The following SRPK2 variants were observed in gnomAD, a reference collection of about 807,000 sequenced individuals.
SRPK2 encodes SRSF protein kinase 2.
A neutral mutation model predicts 90.8 loss-of-function variants in SRPK2; 21 were observed. The ratio of observed to expected loss-of-function variants is 0.23; its 90% CI spans 0.16 to 0.33. SRPK2 has a LOEUF of 0.33. SRPK2 is among the 10% of genes least tolerant of loss of function. SRPK2 has a pLI of 1.00. For synonymous variants in SRPK2, 288 were observed against 311.1 expected (o/e 0.93, Z 0.78); for missense variants, 620 against 869.0 (o/e 0.71, Z 3.60).
At chr7:105,133,143 T>A (rs1204964021) in intron 11 of SRPK2, 39 bp from the exon 12 acceptor site, 1 of 1,599,214 alleles carries the variant, frequency 6.3e-7, no homozygotes, top group East Asian at 2.2e-5. Context: ...GTGATCGGGA[T>A]AGGTGGTTTG....
chr7:105,239,766 T>C (rs930515892), intron 2 of SRPK2, among the ~76,000 whole-genome samples: 21 of 152,234 alleles, frequency 1.4e-4, no homozygotes, highest in Admixed American at 1.3e-3. Flanking sequence ...AATACAGTGA[T>C]ACATGGTTGA....
intron 3 of SRPK2, among the ~76,000 whole-genome samples, chr7:105,195,452 A>T (rs1794802912): frequency 6.6e-6 from 1 of 152,212 alleles, no homozygotes; most frequent in African/African-American, 2.4e-5. Context: ...AATATTTTGA[A>T]GTGATGCTTT....
At chr7:105,115,152 A>G (rs1280166608), downstream of SRPK2, 1 of 152,230 alleles carries the variant, frequency 6.6e-6, no homozygotes, top group African/African-American at 2.4e-5. Context: ...TATATACTCT[A>G]AAATACAGTC....
chr7:105,261,349 G>T (rs952397934), intron 2 of SRPK2, among the ~76,000 whole-genome samples: 1 of 151,908 alleles, frequency 6.6e-6, no homozygotes, highest in African/African-American at 2.4e-5. Context: ...GTGAAACCCC[G>T]TCTCTACTAA....
At chr7:105,203,969 CAA>C (rs34581245) in intron 2 of SRPK2, among the ~76,000 whole-genome samples, 184 bp from the exon 3 acceptor site, 319 of 146,158 alleles carry the variant, frequency 2.2e-3, no homozygotes, top group African/African-American at 2.0e-3. Flanking sequence ...TAAGTCAGGC[CAA>C]AAAAAAAAAA....
At chr7:105,340,618 T>A (rs1046944545) in intron 2 of SRPK2, among the ~76,000 whole-genome samples, 8 of 152,012 alleles carry the variant, frequency 5.3e-5, no homozygotes, top group African/African-American at 1.9e-4. Context: ...GGTGGGTTTG[T>A]CTTTTTGTAG....
intron 2 of SRPK2, among the ~76,000 whole-genome samples, chr7:105,363,571 C>T (rs78132606): frequency 0.18 from 27,401 of 152,098 alleles, 3,131 homozygotes; most frequent in East Asian, 0.58. Flanking sequence ...CACTTTTACA[C>T]GGTTGGTGGG....
intron 3 of SRPK2, among the ~76,000 whole-genome samples, chr7:105,203,209 T>G (rs1437470401): frequency 6.6e-6 from 1 of 152,090 alleles, no homozygotes; most frequent in Non-Finnish European, 1.5e-5. Flanking sequence ...AGGCTGGTCT[T>G]GAATTCCTGA....
chr7:105,353,085 C>A (rs1468606094), intron 2 of SRPK2, among the ~76,000 whole-genome samples: 2 of 152,200 alleles, frequency 1.3e-5, no homozygotes, highest in African/African-American at 2.4e-5. Flanking sequence ...GTTCAATTTT[C>A]TCATCAGTAA....
At chr7:105,367,064 T>G (rs892687136) in intron 2 of SRPK2, among the ~76,000 whole-genome samples, 3 of 144,148 alleles carry the variant, frequency 2.1e-5, no homozygotes, top group Admixed American at 7.1e-5. Flanking sequence ...CACCTTTTTT[T>G]TTGTTTTTTT....
chr7:105,280,655 AAGGG>A (rs67124963), intron 2 of SRPK2, among the ~76,000 whole-genome samples: 63,657 of 132,140 alleles, frequency 0.48, 15,359 homozygotes, highest in South Asian at 0.55. Context: ...CATTAAAAAA[AAGGG>A]GGGGGGGGCC....
intron 3 of SRPK2, among the ~76,000 whole-genome samples, chr7:105,176,591 G>A (rs62488067): frequency 0.033 from 1,377 of 41,162 alleles, 14 homozygotes; most frequent in Admixed American, 0.067. Flanking sequence ...ATGTATATAT[G>A]TGTGTGTGTG....
chr7:105,323,120 G>A (rs867790311), intron 2 of SRPK2, among the ~76,000 whole-genome samples: 3 of 152,214 alleles, frequency 2.0e-5, no homozygotes, highest in Middle Eastern at 3.4e-3. Context: ...AACTCAGGAG[G>A]TGGAGGCTAC....
At chr7:105,299,962 T>C (rs777481637) in intron 2 of SRPK2, among the ~76,000 whole-genome samples, 15 of 151,946 alleles carry the variant, frequency 9.9e-5, no homozygotes, top group Non-Finnish European at 1.8e-4. Context: ...TTCCTTCCAG[T>C]CACAAGCATA....
intron 13 of SRPK2, 122 bp from the exon 14 acceptor site, chr7:105,127,184 G>C: frequency 1.2e-6 from 1 of 801,872 alleles, no homozygotes; most frequent in Non-Finnish European, 2.0e-6. Context: ...ATAGCCTCCT[G>C]AAAGTGCTCA....
intron 2 of SRPK2, among the ~76,000 whole-genome samples, chr7:105,229,123 C>T (rs1040411244): frequency 2.0e-5 from 3 of 152,140 alleles, no homozygotes; most frequent in African/African-American, 7.2e-5. Context: ...ACAGACAAAG[C>T]ACATAAAACC....
intron 2 of SRPK2, among the ~76,000 whole-genome samples, chr7:105,383,001 CTG>C (rs1202150594): frequency 6.8e-6 from 1 of 147,216 alleles, no homozygotes; most frequent in Non-Finnish European, 1.5e-5. Flanking sequence ...ACAAAGAACT[CTG>C]TACCACTTTT....
intron 2 of SRPK2, among the ~76,000 whole-genome samples, chr7:105,208,298 C>T (rs1466204505): frequency 1.3e-5 from 2 of 152,090 alleles, no homozygotes; most frequent in Non-Finnish European, 2.9e-5. Context: ...CAAGTATATA[C>T]CCAAGAGAAA....
intron 2 of SRPK2, among the ~76,000 whole-genome samples, chr7:105,336,555 A>G (rs1815113401): frequency 6.6e-6 from 1 of 152,228 alleles, no homozygotes; most frequent in Non-Finnish European, 1.5e-5. Flanking sequence ...AACCAAAAAA[A>G]AAGTTCTCAT....
Sources: allele counts gnomAD v4.1 joint callset (sites outside exome capture counted in the v4.1 genomes callset), GRCh38; gene constraint gnomAD v4.1.1; transcripts MANE v1.5; gene names NCBI Gene and HGNC (gene_info 2026-07-23, HGNC 2026-07-21).